Variants in GMEB2 observed in about 807,000 individuals in gnomAD.
GMEB2 encodes the protein glucocorticoid modulatory element binding protein 2.
In GMEB2, 7 loss-of-function variants were observed where a neutral mutation model predicts 45.7. The ratio of observed to expected loss-of-function variants is 0.15; its 90% CI spans 0.09 to 0.29. The LOEUF (loss-of-function observed/expected upper bound fraction) is 0.29. GMEB2 is among the 10% of genes least tolerant of loss of function. The probability of loss-of-function intolerance (pLI) is 1.00; values close to 1 mark genes in which losing one functional copy is unlikely to be tolerated. For synonymous variants in GMEB2, 322 were observed against 323.6 expected (o/e 1.00, Z 0.05); for missense variants, 582 against 739.2 (o/e 0.79, Z 2.47).
chr20:63,602,888 A>G (rs2145262), intron 4 of GMEB2, 77 bp downstream of exon 4: 1,250,680 of 1,376,694 alleles, frequency 0.91, 568,986 homozygotes, highest in East Asian at 1. Context: ...GGATGCACTC[A>G]GCACAGCTGC....
intron 5 of GMEB2, among the ~76,000 whole-genome samples, chr20:63,596,573 G>T (rs972820525): frequency 1.3e-5 from 2 of 152,224 alleles, no homozygotes; most frequent in Non-Finnish European, 2.9e-5. Context: ...CAGTTCAGCT[G>T]GACAGGGAAA....
At chr20:63,624,540 G>C (rs889625768) in intron 1 of GMEB2, among the ~76,000 whole-genome samples, 5 of 152,186 alleles carry the variant, frequency 3.3e-5, no homozygotes, top group Admixed American at 1.3e-4. Flanking sequence ...GCTTTCATAA[G>C]GGTAAGCTCA....
chr20:63,602,438 C>T (rs1297938244), intron 4 of GMEB2, among the ~76,000 whole-genome samples: 1 of 152,220 alleles, frequency 6.6e-6, no homozygotes, highest in Non-Finnish European at 1.5e-5. Flanking sequence ...AAGCTCAGGC[C>T]AAGGCTCTCA....
At chr20:63,603,452 A>G (rs1023543626) in intron 3 of GMEB2, among the ~76,000 whole-genome samples, 2 of 152,248 alleles carry the variant, frequency 1.3e-5, no homozygotes, top group African/African-American at 4.8e-5. Flanking sequence ...AAAAATATTA[A>G]GAGTGTTATA....
chr20:63,620,809 A>G (rs149078411), intron 1 of GMEB2, among the ~76,000 whole-genome samples: 126 of 152,324 alleles, frequency 8.3e-4, no homozygotes, highest in African/African-American at 2.9e-3. Flanking sequence ...TAGAGTCCAT[A>G]GCACAGTAGT....
intron 6 of GMEB2, among the ~76,000 whole-genome samples, chr20:63,595,134 C>T (rs139792752): frequency 1.3e-5 from 2 of 152,334 alleles, no homozygotes; most frequent in Non-Finnish European, 2.9e-5. Context: ...CAACGTGGAA[C>T]AGTATCTAAA....
intron 1 of GMEB2, among the ~76,000 whole-genome samples, chr20:63,621,342 C>T (rs6089940): frequency 0.17 from 26,073 of 152,168 alleles, 3,061 homozygotes; most frequent in East Asian, 0.49. Flanking sequence ...TGCACAATCA[C>T]TGTGGCTGTT....
chr20:63,601,103 C>T (rs2083238618), intron 4 of GMEB2, among the ~76,000 whole-genome samples: 1 of 152,202 alleles, frequency 6.6e-6, no homozygotes. Context: ...CCATGCTTTA[C>T]TTCTCTCTAT....
rs1325135444 is a variant in GMEB2 at position 63,590,552 on chromosome 20, G to C, written c.1130C>G (p.Thr377Ser). 6.5e-7 allele frequency: 1 copy of C among 1,548,738 alleles called. No individual in the cohort carries two copies. The highest frequency in any genetic ancestry group is 2.0e-5 in the Admixed American group (1 of 50,774). Residue 377 changes from threonine to serine, a missense_variant, in exon 10 of 10, where the codon ACC becomes AGC. Physicochemically the swap from Thr to Ser is moderately conservative, Grantham distance 58 (BLOSUM62 1). Around this residue, in one of 3 missense-constraint regions of GMEB2, gnomAD observed 462 missense variants for 586.7 expected, o/e 0.79. Transcript: ENST00000370077. ...GCCAAGCGCCAGCTGGGCAGACTGGGTGAGCACCTGCGAGGCCATGGCGGC... is the reference window on the plus strand; with the variant it reads ...GCCAAGCGCCAGCTGGGCAGACTGGCTGAGCACCTGCGAGGCCATGGCGGC... ...GPAAMASQVLTQSAQLALGPG... is the reference protein window; with the variant it reads ...GPAAMASQVLSQSAQLALGPG...
chr20:63,619,141 A>T lies in GMEB2; in HGVS notation c.131+126T>A. ...TCTACTTACACACACATTTGAGTCC[A>T]GTCTCAGAAGAACTGGAACTAGAAA... On this transcript the variant is annotated intron_variant, in intron 2 of 9. Coordinates refer to ENST00000370077, the MANE Select transcript of GMEB2 (RefSeq NM_012384.5). This position sits in a 1 kb window ranked among gnomAD's most constrained non-coding sequence, Gnocchi z 4.6. 1 of 918,742 alleles carries T rather than the reference A, an allele frequency of 1.1e-6. No individual in the cohort carries two copies. 56.9% of individuals were successfully genotyped at this position (918,742 alleles called of 1,614,324 possible).
At chr20:63,597,716 GCCCC>G in intron 5 of GMEB2, 37 bp downstream of exon 5, 1 of 1,065,806 alleles carries the variant, frequency 9.4e-7, no homozygotes, top group Non-Finnish European at 1.5e-6. Context: ...AGCTGCCAGG[GCCCC>G]TTCCAGCAGG....
chr20:63,592,482 C>T lies in GMEB2; in HGVS notation c.829+51G>A. 6.7e-7 allele frequency: 1 copy of T among 1,495,766 alleles called. No homozygotes were observed. The highest frequency in any genetic ancestry group is 9.2e-7 in the Non-Finnish European group (1 of 1,086,106). 92.7% of individuals were successfully genotyped at this position (1,495,766 alleles called of 1,614,324 possible). A position where few individuals can be genotyped will look rare whatever the true frequency, so the allele number is the denominator to read the frequency against. ...GGAGGGCCAGTGGCCTCACCTCCTG[C>T]AGAGACTCCTGGGCTGAGTAGCCAG... On this transcript the variant is annotated intron_variant, in intron 8 of 9. Transcript: ENST00000370077. The surrounding 1 kb of genome is among the most constrained non-coding windows in gnomAD (Gnocchi z 8.2).
intron 1 of GMEB2, among the ~76,000 whole-genome samples, chr20:63,621,135 T>C (rs962428349): frequency 1.3e-5 from 2 of 152,128 alleles, no homozygotes; most frequent in Non-Finnish European, 2.9e-5. Flanking sequence ...AGATTGAGGC[T>C]GCAATGAGCT....
rs914863239 is a variant in GMEB2 at position 63,614,899 on chromosome 20, G to A, written c.131+4368C>T. On this transcript the variant is annotated intron_variant, in intron 2 of 9. Coordinates refer to ENST00000370077, the MANE Select transcript of GMEB2 (RefSeq NM_012384.5). ...CATGGTTCACACTCCTTACCCTGCCGCTTTGTCTTGTATCCAATAAATAGC... is the reference window on the plus strand; with the variant it reads ...CATGGTTCACACTCCTTACCCTGCCACTTTGTCTTGTATCCAATAAATAGC... Among the ~76,000 whole-genome samples, 7 of 152,182 alleles carry A rather than the reference G, an allele frequency of 4.6e-5. 1 individual carries two copies. Among genetic ancestry groups the A allele is most frequent in the Non-Finnish European group, 1.0e-4 (7 of 67,998 alleles).
chr20:63,597,000 G>A (rs952649590), intron 5 of GMEB2, among the ~76,000 whole-genome samples: 1 of 143,792 alleles, frequency 7.0e-6, no homozygotes, highest in South Asian at 2.2e-4. Flanking sequence ...CTGGGCAACA[G>A]AGCAAGACTC....
At chr20:63,617,953 C>A (rs1054306791) in intron 2 of GMEB2, among the ~76,000 whole-genome samples, 1 of 151,990 alleles carries the variant, frequency 6.6e-6, no homozygotes, top group African/African-American at 2.4e-5. Context: ...GAGAAAGCTA[C>A]GTGGACTTCT....
chr20:63,597,048 G>T (rs2083205173), intron 5 of GMEB2, among the ~76,000 whole-genome samples: 1 of 151,720 alleles, frequency 6.6e-6, no homozygotes. Flanking sequence ...ACAGAAATAA[G>T]GAGTAACATA....
At chr20:63,599,802 T>C (rs2083228331) in intron 4 of GMEB2, among the ~76,000 whole-genome samples, 1 of 152,206 alleles carries the variant, frequency 6.6e-6, no homozygotes, top group Non-Finnish European at 1.5e-5. Flanking sequence ...CCGGACTCAC[T>C]GCCTGCTCCC....
At chr20:63,623,428 A>G (rs1264001726) in intron 1 of GMEB2, among the ~76,000 whole-genome samples, 1 of 152,246 alleles carries the variant, frequency 6.6e-6, no homozygotes, top group Non-Finnish European at 1.5e-5. Context: ...TTTCTCAAAT[A>G]TAATGTTTTC....
Sources: gnomAD v4.1 joint callset for allele counts (sites outside exome capture counted in the v4.1 genomes callset) on GRCh38, gnomAD v4.1.1 for gene constraint, gnomAD v4.1.1 regional missense constraint, Gnocchi (gnomAD v3.1) non-coding constraint, MANE v1.5 for transcripts, NCBI Gene and HGNC (gene_info 2026-07-23, HGNC 2026-07-21) for gene names.